The following MAP3K1 variants were observed in gnomAD, a reference collection of about 807,000 sequenced individuals.
MAP3K1 encodes the protein MAP/ERK kinase kinase 1.
A neutral mutation model predicts 144.2 loss-of-function variants in MAP3K1; 36 were observed. The observed-to-expected ratio is 0.25, with a 90% confidence interval of 0.19 to 0.33. MAP3K1 has a LOEUF of 0.33. Ranked by LOEUF, MAP3K1 falls within the 10% of genes least tolerant of loss-of-function variation. The probability of loss-of-function intolerance (pLI) is 1.00; values close to 1 mark genes in which losing one functional copy is unlikely to be tolerated. For missense variants in MAP3K1, 1,650 were observed against 1,881.9 expected (o/e 0.88, Z 2.28); for synonymous variants, 718 against 688.7 (o/e 1.04, Z -0.67).
intron 1 of MAP3K1, among the ~76,000 whole-genome samples, chr5:56,844,407 C>T (rs1224394024): frequency 1.3e-5 from 2 of 152,038 alleles, no homozygotes; most frequent in South Asian, 2.1e-4. Context: ...TCTCGATCTC[C>T]TGACCTCGTG....
rs1415651492 is a variant in MAP3K1 at position 56,895,149 on chromosome 5, C to G, written c.*1469C>G. 4.3e-6 allele frequency: 1 copy of G among 231,346 alleles called. No homozygotes were observed. The highest frequency in any genetic ancestry group is 8.5e-6 in the Non-Finnish European group (1 of 116,990). The allele number at this position is 231,346 out of a possible 1,614,324, so 14.3% of individuals were successfully genotyped here. A position where few individuals can be genotyped will look rare whatever the true frequency, so the allele number is the denominator to read the frequency against. On this transcript the variant is annotated 3_prime_UTR_variant, in exon 20 of 20. Transcript: ENST00000399503. ...TAGAGTACATTTAAAATGTACAACA[C>G]AAATTGGAAATAAAATAAGTTACAA...
chr5:56,856,826 C>T lies in MAP3K1; in HGVS notation c.633+76C>T, dbSNP rs1029195124. 4.1e-6 allele frequency: 6 copies of T among 1,449,354 alleles called. No individual in the cohort carries two copies. The East Asian group carries it at 1.4e-4, about 33-fold the overall frequency. 89.8% of individuals were successfully genotyped at this position (1,449,354 alleles called of 1,614,324 possible). ...GGAAAAGTAAGCATAAATAGATCCT[C>T]TTGTAAGCTTTTCTTCTTCATTTTA... On this transcript the variant is annotated intron_variant, in intron 2 of 19. Coordinates refer to ENST00000399503, the MANE Select transcript of MAP3K1 (RefSeq NM_005921.2).
At chr5:56,828,551 A>G (rs1746387444) in intron 1 of MAP3K1, among the ~76,000 whole-genome samples, 1 of 152,246 alleles carries the variant, frequency 6.6e-6, no homozygotes, top group Non-Finnish European at 1.5e-5. Context: ...GAAAAAAGAA[A>G]TCATGTTTGT....
At chr5:56,818,519 A>G (rs997168220) in intron 1 of MAP3K1, among the ~76,000 whole-genome samples, 1 of 152,152 alleles carries the variant, frequency 6.6e-6, no homozygotes, top group African/African-American at 2.4e-5. Context: ...ATATAAATAA[A>G]TAATACTCGT....
chr5:56,891,028 A>G (rs1748533334), intron 19 of MAP3K1, among the ~76,000 whole-genome samples: 1 of 152,126 alleles, frequency 6.6e-6, no homozygotes, highest in South Asian at 2.1e-4. Context: ...CCTGGGTGAC[A>G]GTGAGAGCGA....
At chr5:56,859,952 A>C (rs758070593) in intron 3 of MAP3K1, 37 bp downstream of exon 3, 2 of 1,494,800 alleles carry the variant, frequency 1.3e-6, no homozygotes, top group Non-Finnish European at 1.8e-6. Context: ...TAGTTTTTAT[A>C]ATTTTTAGCT....
intron 3 of MAP3K1, chr5:56,862,093 G>A (rs1484829107): frequency 6.6e-6 from 1 of 152,144 alleles, no homozygotes; most frequent in Non-Finnish European, 1.5e-5. Flanking sequence ...GATTGGGCAG[G>A]GCTCAGCAGG....
At chr5:56,862,178 A>G (rs1747535120) in intron 3 of MAP3K1, 3 of 152,268 alleles carry the variant, frequency 2.0e-5, no homozygotes, top group African/African-American at 7.2e-5. Context: ...TCACATGCCT[A>G]TTGCTTCAGC....
intron 1 of MAP3K1, among the ~76,000 whole-genome samples, chr5:56,831,251 G>A (rs527734193): frequency 5.0e-4 from 75 of 149,512 alleles, no homozygotes; most frequent in Non-Finnish European, 4.6e-4. Context: ...TCACTGCAGA[G>A]ACCTGAAAGC....
At position 56,880,819 on chromosome 5, in the gene MAP3K1, T is replaced by A; in HGVS notation, c.2179+17T>A. ...TAAAAGCTGGTAATAACTTTTCACT[T>A]AAAAGGAATATAGCATATTTTATCA... On this transcript the variant is annotated intron_variant, in intron 12 of 19. Coordinates refer to ENST00000399503, the MANE Select transcript of MAP3K1 (RefSeq NM_005921.2). 6.3e-7 allele frequency: 1 copy of A among 1,576,804 alleles called. No individual in the cohort carries two copies.
chr5:56,878,907 T>A, intron 10 of MAP3K1, 73 bp from the exon 11 acceptor site: 3 of 1,350,896 alleles, frequency 2.2e-6, no homozygotes, highest in Non-Finnish European at 3.2e-6. Context: ...TTGCTCAAAT[T>A]GTCTCAAATT....
intron 1 of MAP3K1, among the ~76,000 whole-genome samples, chr5:56,842,382 C>T (rs1221298871): frequency 6.6e-6 from 1 of 152,226 alleles, no homozygotes; most frequent in Non-Finnish European, 1.5e-5. Context: ...AATCAAACTA[C>T]TTAATCTTTC....
intron 1 of MAP3K1, among the ~76,000 whole-genome samples, chr5:56,816,479 G>T (rs1208339391): frequency 6.6e-6 from 1 of 152,080 alleles, no homozygotes; most frequent in Non-Finnish European, 1.5e-5. Flanking sequence ...CCGAGCCTGA[G>T]GCGGGCGGTG....
chr5:56,833,796 A>G (rs540498150), intron 1 of MAP3K1, among the ~76,000 whole-genome samples: 3 of 152,204 alleles, frequency 2.0e-5, no homozygotes, highest in East Asian at 1.9e-4. Context: ...AGTAAAGATG[A>G]TATCTAAGGC....
Position 56,879,035 on chromosome 5 carries a change from T to G in MAP3K1, c.2021T>G (p.Ile674Ser). The change falls in exon 11 of 20, where the codon ATC becomes AGC. Residue 674 changes from isoleucine to serine, a missense_variant. By Grantham distance (142) the Ile-to-Ser change is moderately radical. Transcript: ENST00000399503. ...CCTTGCCACAGTTTAGCGGAAAGAA[T>G]CAAACTTCAGAGACTTCTCCAGCCA... ...YTPCHSLAER[I>S]KLQRLLQPVV... 6.2e-7 allele frequency: 1 copy of G among 1,613,964 alleles called. No individual in the cohort carries two copies. Among genetic ancestry groups the G allele is most frequent in the Non-Finnish European group, 8.5e-7 (1 of 1,179,890 alleles).
chr5:56,825,933 G>T (rs760175964), intron 1 of MAP3K1, among the ~76,000 whole-genome samples: 5 of 151,120 alleles, frequency 3.3e-5, no homozygotes, highest in African/African-American at 4.9e-5. Context: ...TTTCAGCATC[G>T]TGCTCAGTTT....
At position 56,895,647 on chromosome 5, in the gene MAP3K1, A is replaced by G. The variant is rs1402590376; in HGVS notation, c.*1967A>G. The G allele has an allele frequency of 4.3e-6, 1 of 232,546 alleles. No homozygotes were observed. Among genetic ancestry groups the G allele is most frequent in the Non-Finnish European group, 8.5e-6 (1 of 117,628 alleles). 14.4% of individuals were successfully genotyped at this position (232,546 alleles called of 1,614,324 possible). The stretch of plus-strand genomic sequence containing the variant: ...GTTTGAGTTTGTTTGCAGTTCCCTC[A>G]GCTTGCTGGTAATTGTGGTGTTTTG... On this transcript the variant is annotated 3_prime_UTR_variant, in exon 20 of 20. Transcript: ENST00000399503.
intron 1 of MAP3K1, among the ~76,000 whole-genome samples, chr5:56,833,844 G>C (rs1283494748): frequency 6.6e-6 from 1 of 151,996 alleles, no homozygotes; most frequent in Non-Finnish European, 1.5e-5. Context: ...ATGGACTTCT[G>C]TTCATTTATT....
Position 56,865,423 on chromosome 5 carries a change from A to G in MAP3K1, c.1119A>G (p.Pro373=), listed in dbSNP as rs776234679. The change falls in exon 5 of 20, where the codon CCA becomes CCG. Residue 373 remains proline, a synonymous_variant. Coordinates refer to ENST00000399503, the MANE Select transcript of MAP3K1 (RefSeq NM_005921.2). ...TGTTTCAACTAGAACCTTCAGACCC[A>G]ATGTTATGGAGAAAAACTTTAAAGA... ...LRVFQLEPSD[P]MLWRKTLKNF... 5 of 1,606,766 alleles carry G rather than the reference A, an allele frequency of 3.1e-6. No individual in the cohort carries two copies.
Sources: gnomAD v4.1 joint callset for allele counts (sites outside exome capture counted in the v4.1 genomes callset) on GRCh38, gnomAD v4.1.1 for gene constraint, MANE v1.5 for transcripts, NCBI Gene and HGNC (gene_info 2026-07-23, HGNC 2026-07-21) for gene names.